Variants in HACD4 observed in about 807,000 individuals in gnomAD.
HACD4 encodes the protein very-long-chain (3R)-3-hydroxyacyl-CoA dehydratase 4.
In HACD4, 35 loss-of-function variants were observed where a neutral mutation model predicts 33.3. That is an observed-to-expected ratio of 1.05 (90% CI 0.80 to 1.39). HACD4 has a LOEUF of 1.39. Ranked by LOEUF, HACD4 falls within the 40% of genes most tolerant of loss-of-function variation. The pLI is 0.00. For synonymous variants in HACD4, 118 were observed against 98.0 expected, an observed-to-expected ratio of 1.20 and a Z score of -1.21; for missense variants, 323 against 276.5, an observed-to-expected ratio of 1.17 and a Z score of -1.19.
rs1842165452 is a variant in HACD4 at position 21,001,507 on chromosome 9, G to C, written c.*5530C>G. The stretch of plus-strand genomic sequence containing the variant: ...GAAAAGAGAGAAAGAAAGGAGCAGA[G>C]AGAATATTTGAAGAACAGCCAGATA... On this transcript the variant is annotated 3_prime_UTR_variant, in exon 7 of 7. Coordinates refer to ENST00000495827, the MANE Select transcript of HACD4 (RefSeq NM_001010915.5). The C allele has an allele frequency of 6.6e-6, 1 of 151,988 alleles. No individual in the cohort carries two copies. Among genetic ancestry groups the C allele is most frequent in the African/African-American group, 2.4e-5 (1 of 41,398 alleles). The allele number at this position is 151,988 out of a possible 1,614,324, so 9.4% of individuals were successfully genotyped here. A position where few individuals can be genotyped will look rare whatever the true frequency, so the allele number is the denominator to read the frequency against.
At chr9:21,008,339 A>G (rs1012431409) in intron 5 of HACD4, among the ~76,000 whole-genome samples, 193 bp from the exon 6 acceptor site, 1 of 152,226 alleles carries the variant, frequency 6.6e-6, no homozygotes, top group African/African-American at 2.4e-5. Context: ...TGCTTACAGC[A>G]GTATGACTTG....
chr9:21,010,005 C>G (rs1842372667), intron 5 of HACD4, among the ~76,000 whole-genome samples: 1 of 152,114 alleles, frequency 6.6e-6, no homozygotes, highest in Non-Finnish European at 1.5e-5. Flanking sequence ...TTTAGAAATT[C>G]TAACATGATT....
At position 21,004,442 on chromosome 9, in the gene HACD4, A is replaced by C. The variant is rs1004473465; in HGVS notation, c.*2595T>G. 6.6e-6 allele frequency: 1 copy of C among 152,206 alleles called. No individual in the cohort carries two copies. Among genetic ancestry groups the C allele is most frequent in the Non-Finnish European group, 1.5e-5 (1 of 68,058 alleles). 9.4% of individuals were successfully genotyped at this position (152,206 alleles called of 1,614,324 possible). On this transcript the variant is annotated 3_prime_UTR_variant, in exon 7 of 7. Coordinates refer to ENST00000495827, the MANE Select transcript of HACD4 (RefSeq NM_001010915.5). The surrounding 1 kb of genome is among the most constrained non-coding windows in gnomAD (Gnocchi z 4.6). ...CATTAAATTCACATGTTGAAAATCTAATCTCCAGTGTGATGGCATTTGAAG... is the reference window on the plus strand; with the variant it reads ...CATTAAATTCACATGTTGAAAATCTCATCTCCAGTGTGATGGCATTTGAAG...
chr9:21,020,510 G>A (rs1817880889), intron 3 of HACD4, among the ~76,000 whole-genome samples: 1 of 152,176 alleles, frequency 6.6e-6, no homozygotes, highest in African/African-American at 2.4e-5. Flanking sequence ...AGGCTTGATA[G>A]TGTTTCTGTA....
At chr9:21,022,414 G>C (rs1427611663) in intron 3 of HACD4, among the ~76,000 whole-genome samples, 1 of 152,152 alleles carries the variant, frequency 6.6e-6, no homozygotes, top group Non-Finnish European at 1.5e-5. Flanking sequence ...TACAGCAAAA[G>C]AAACTACCAT....
At chr9:21,031,482 C>T (rs1818220168) in intron 1 of HACD4, 71 bp downstream of exon 1, 2 of 1,414,738 alleles carry the variant, frequency 1.4e-6, no homozygotes, top group East Asian at 3.1e-5. Context: ...CCGCCCGCCG[C>T]AGAGGGGAGC....
In HACD4 at chr9:21,031,594, C is replaced by A. The variant is rs1442208236; in HGVS notation, c.-4G>T. On this transcript the variant is annotated 5_prime_UTR_variant, in exon 1 of 7. Coordinates refer to ENST00000495827, the MANE Select transcript of HACD4 (RefSeq NM_001010915.5). ...CGGGCAGCGCCAAGGGCCCCATGGG[C>A]CGCCGCCGCCAGGGCTTCCAGCGCG... 2 of 1,430,772 alleles carry A rather than the reference C, an allele frequency of 1.4e-6. No homozygotes were observed. Among genetic ancestry groups the A allele is most frequent in the Non-Finnish European group, 1.8e-6 (2 of 1,097,636 alleles). The allele number at this position is 1,430,772 out of a possible 1,614,324, so 88.6% of individuals were successfully genotyped here. A position where few individuals can be genotyped will look rare whatever the true frequency, so the allele number is the denominator to read the frequency against.
chr9:21,027,321 C>A (rs10757174), intron 2 of HACD4, among the ~76,000 whole-genome samples: 92,230 of 151,942 alleles, frequency 0.61, 28,642 homozygotes, highest in South Asian at 0.69. Context: ...AGAGGGTTCA[C>A]ATGAAATACT....
intron 4 of HACD4, among the ~76,000 whole-genome samples, chr9:21,012,734 T>A (rs1285006665): frequency 6.6e-6 from 1 of 152,288 alleles, no homozygotes; most frequent in South Asian, 2.1e-4. Flanking sequence ...TTTCCCCTCA[T>A]ATTAGAAGAG....
intron 4 of HACD4, among the ~76,000 whole-genome samples, chr9:21,013,304 G>C (rs1564272547): frequency 1.3e-5 from 2 of 152,012 alleles, no homozygotes; most frequent in Non-Finnish European, 1.5e-5. Context: ...CCCATTGAAT[G>C]GTCTTGGCAT....
At chr9:21,008,581 C>A (rs1211490088) in intron 5 of HACD4, among the ~76,000 whole-genome samples, 1 of 152,184 alleles carries the variant, frequency 6.6e-6, no homozygotes, top group East Asian at 1.9e-4. Flanking sequence ...TACCACCTAG[C>A]CTTTCCTCAA....
chr9:21,017,291 T>A (rs1842579600), intron 3 of HACD4, among the ~76,000 whole-genome samples: 1 of 152,152 alleles, frequency 6.6e-6, no homozygotes, highest in Non-Finnish European at 1.5e-5. Context: ...TATCAGCATG[T>A]TTACGACATG....
rs74321129 is a variant in HACD4, at chr9:21,003,628, A to G, written c.*3409T>C. ...GTGGAAATAAGTTACCCATTTTTAA[A>G]ATTACATTTTTATTATCCTATTCTT... On this transcript the variant is annotated 3_prime_UTR_variant, in exon 7 of 7. Transcript: ENST00000495827. The G allele has an allele frequency of 8.6e-3, 1,307 of 152,252 alleles. 20 individuals are homozygous for G. The highest frequency in any genetic ancestry group is 0.03 in the African/African-American group (1,228 of 41,556). 9.4% of individuals were successfully genotyped at this position (152,252 alleles called of 1,614,324 possible).
At chr9:21,022,707 G>T (rs1269832140) in intron 3 of HACD4, among the ~76,000 whole-genome samples, 1 of 150,150 alleles carries the variant, frequency 6.7e-6, no homozygotes, top group African/African-American at 2.4e-5. Context: ...TCATTAAAAA[G>T]TCAGGAAACA....
At chr9:21,016,049 A>G in intron 3 of HACD4, 39 bp from the exon 4 acceptor site, 1 of 1,384,672 alleles carries the variant, frequency 7.2e-7, no homozygotes, top group Non-Finnish European at 1.0e-6. Flanking sequence ...TAGGACATCT[A>G]TTAGGCTATG....
chr9:21,026,175 G>T (rs373653673), intron 3 of HACD4, among the ~76,000 whole-genome samples: 51 of 152,338 alleles, frequency 3.3e-4, no homozygotes, highest in Middle Eastern at 3.4e-3. Context: ...GGTATTATTT[G>T]TGGTGTCCTT....
intron 3 of HACD4, among the ~76,000 whole-genome samples, chr9:21,017,304 T>G (rs1842579914): frequency 2.0e-5 from 3 of 152,178 alleles, no homozygotes; most frequent in Admixed American, 2.0e-4. Context: ...ACGACATGAC[T>G]ACAGTGGTGA....
At chr9:21,018,920 G>A (rs1405196975) in intron 3 of HACD4, among the ~76,000 whole-genome samples, 21 of 151,584 alleles carry the variant, frequency 1.4e-4, no homozygotes, top group Admixed American at 1.4e-3. Flanking sequence ...GCTATGGGAG[G>A]GTAAAAATGA....
At position 21,031,583 on chromosome 9, in the gene HACD4, G is replaced by A. The variant is rs1818225127; in HGVS notation, c.8C>T (p.Pro3Leu). The change falls in exon 1 of 7, where the codon CCC becomes CTC. Residue 3 changes from proline to leucine, a missense_variant. Transcript: ENST00000495827. MG[P>L]LALPAWLQPR... ...CTGCAGCCAGGCGGGCAGCGCCAAG[G>A]GCCCCATGGGCCGCCGCCGCCAGGG... 2 of 1,438,964 alleles carry A rather than the reference G, an allele frequency of 1.4e-6. No individual in the cohort carries two copies. Among genetic ancestry groups the A allele is most frequent in the African/African-American group, 1.5e-5 (1 of 67,246 alleles). 89.1% of individuals were successfully genotyped at this position (1,438,964 alleles called of 1,614,324 possible).
Sources: gnomAD v4.1 joint callset for allele counts (sites outside exome capture counted in the v4.1 genomes callset) on GRCh38, gnomAD v4.1.1 for gene constraint, Gnocchi (gnomAD v3.1) non-coding constraint, MANE v1.5 for transcripts, NCBI Gene and HGNC (gene_info 2026-07-23, HGNC 2026-07-21) for gene names.